Variants in CCDC141 observed in about 807,000 individuals in gnomAD.
CCDC141 encodes coiled-coil domain containing 141, also known as coiled-coil domain-containing protein 141.
Under a neutral mutation model 181.0 loss-of-function variants are expected in CCDC141, and 168 were observed. That is an observed-to-expected ratio of 0.93 (90% confidence interval 0.82 to 1.05). The LOEUF (loss-of-function observed/expected upper bound fraction) is 1.05. Ranked by LOEUF, CCDC141 falls within the 50% of genes least tolerant of loss-of-function variation. The pLI, the probability that CCDC141 is intolerant of heterozygous loss-of-function variation, is 0.00. For synonymous variants in CCDC141, 666 were observed against 642.3 expected, an observed-to-expected ratio of 1.04 and a Z score of -0.56; for missense variants, 1,902 against 1,788.5, an observed-to-expected ratio of 1.06 and a Z score of -1.14.
At chr2:179,046,293 T>C (rs1239474467) in intron 2 of CCDC141, among the ~76,000 whole-genome samples, 1 of 152,256 alleles carries the variant, frequency 6.6e-6, no homozygotes, top group African/African-American at 2.4e-5. Flanking sequence ...TAGGGCTTAA[T>C]GCTGTACCTG....
chr2:178,963,040 G>A (rs569576105), intron 4 of CCDC141, among the ~76,000 whole-genome samples: 3 of 152,200 alleles, frequency 2.0e-5, no homozygotes, highest in Non-Finnish European at 4.4e-5. Context: ...GCAACATGAG[G>A]ATAGAGACCA....
chr2:179,017,929 T>C (rs930432384), intron 2 of CCDC141, among the ~76,000 whole-genome samples: 6 of 152,106 alleles, frequency 3.9e-5, no homozygotes, highest in Non-Finnish European at 8.8e-5. Flanking sequence ...TTTCCTCTCC[T>C]ACTTGCTTAG....
intron 6 of CCDC141, among the ~76,000 whole-genome samples, chr2:178,940,842 A>G (rs1416892343): frequency 6.6e-6 from 1 of 152,230 alleles, no homozygotes; most frequent in East Asian, 1.9e-4. Flanking sequence ...CCTTTCAACC[A>G]GCTCTGGAAA....
intron 17 of CCDC141, among the ~76,000 whole-genome samples, chr2:178,857,139 G>A (rs973421389): frequency 9.3e-5 from 14 of 151,294 alleles, no homozygotes; most frequent in Non-Finnish European, 1.6e-4. Flanking sequence ...TTCTGTTTTC[G>A]ATACACTAAT....
At chr2:178,879,391 G>T (rs1225474768) in intron 11 of CCDC141, among the ~76,000 whole-genome samples, 1 of 152,118 alleles carries the variant, frequency 6.6e-6, no homozygotes, top group Non-Finnish European at 1.5e-5. Flanking sequence ...TCATAGGAGA[G>T]CCTGCAAATA....
At chr2:178,915,765 T>G (rs190190432) in intron 7 of CCDC141, 22 of 152,304 alleles carry the variant, frequency 1.4e-4, no homozygotes, top group African/African-American at 5.1e-4. Flanking sequence ...TTCTCAGTGT[T>G]GGGTCTGCAA....
chr2:178,904,930 T>G (rs1687889245), intron 8 of CCDC141, among the ~76,000 whole-genome samples: 1 of 152,334 alleles, frequency 6.6e-6, no homozygotes, highest in East Asian at 1.9e-4. Context: ...TTCTGGTATT[T>G]TATTTTCTTC....
chr2:178,946,169 A>T (rs1312376417), intron 5 of CCDC141, among the ~76,000 whole-genome samples: 1 of 152,154 alleles, frequency 6.6e-6, no homozygotes, highest in Non-Finnish European at 1.5e-5. Flanking sequence ...TCTATGCACA[A>T]AATACACATT....
intron 7 of CCDC141, among the ~76,000 whole-genome samples, chr2:178,918,270 T>C (rs891813726): frequency 6.6e-6 from 1 of 150,492 alleles, no homozygotes; most frequent in African/African-American, 2.4e-5. Context: ...TAGTCAAGCA[T>C]GGTGGCATGT....
intron 11 of CCDC141, among the ~76,000 whole-genome samples, chr2:178,880,192 T>G (rs2154369978): frequency 6.6e-6 from 1 of 152,306 alleles, no homozygotes; most frequent in Admixed American, 6.5e-5. Flanking sequence ...AAAGACTCCT[T>G]GAATGCAAAT....
At chr2:178,994,439 G>A (rs1398410637) in intron 2 of CCDC141, among the ~76,000 whole-genome samples, 3 of 151,922 alleles carry the variant, frequency 2.0e-5, no homozygotes, top group Admixed American at 1.3e-4. Flanking sequence ...GGAGTGGCTC[G>A]GTTGCAGGGC....
intron 7 of CCDC141, among the ~76,000 whole-genome samples, chr2:178,917,510 ATGT>A (rs1430429168): frequency 1.3e-5 from 2 of 152,210 alleles, no homozygotes; most frequent in African/African-American, 2.4e-5. Flanking sequence ...CAGGGTGTTG[ATGT>A]TGTGATTTTT....
intron 6 of CCDC141, among the ~76,000 whole-genome samples, chr2:178,935,254 T>C (rs1188306439): frequency 6.6e-6 from 1 of 152,152 alleles, no homozygotes; most frequent in Admixed American, 6.6e-5. Context: ...AGTTATCTTT[T>C]CTGCTCCTCT....
chr2:178,905,612 T>A, intron 7 of CCDC141, 111 bp from the exon 8 acceptor site: 1 of 1,018,492 alleles, frequency 9.8e-7, no homozygotes, highest in Non-Finnish European at 1.4e-6. Flanking sequence ...TTAGTTTCAT[T>A]ATAACAAAAA....
chr2:178,928,487 G>C (rs540554095), intron 6 of CCDC141, among the ~76,000 whole-genome samples: 1 of 152,094 alleles, frequency 6.6e-6, no homozygotes, highest in African/African-American at 2.4e-5. Context: ...AAAATACCAT[G>C]CAATATAATA....
At chr2:178,965,709 T>C (rs1690595780) in intron 4 of CCDC141, among the ~76,000 whole-genome samples, 1 of 152,180 alleles carries the variant, frequency 6.6e-6, no homozygotes, top group Admixed American at 6.5e-5. Context: ...GACACCGAAC[T>C]AGCTGCAGGG....
chr2:178,924,633 T>C (rs1688845042), intron 6 of CCDC141, among the ~76,000 whole-genome samples: 1 of 152,208 alleles, frequency 6.6e-6, no homozygotes, highest in Non-Finnish European at 1.5e-5. Context: ...TATGCTGACC[T>C]ATACAAATGT....
chr2:178,886,462 C>G (rs961556196), intron 10 of CCDC141, among the ~76,000 whole-genome samples: 2 of 152,104 alleles, frequency 1.3e-5, no homozygotes, highest in Non-Finnish European at 2.9e-5. Context: ...CTCTGCCACC[C>G]CCAAAATGAG....
At chr2:178,866,348 G>T (rs1685849942) in intron 16 of CCDC141, among the ~76,000 whole-genome samples, 1 of 152,184 alleles carries the variant, frequency 6.6e-6, no homozygotes, top group Non-Finnish European at 1.5e-5. Context: ...GCCAGAAGAG[G>T]ATTGGAGAAC....
Sources: gnomAD v4.1 joint callset for allele counts (sites outside exome capture counted in the v4.1 genomes callset) on GRCh38, gnomAD v4.1.1 for gene constraint, MANE v1.5 for transcripts, NCBI Gene and HGNC (gene_info 2026-07-23, HGNC 2026-07-21) for gene names.